Variants in DOCK3 observed in about 807,000 individuals in gnomAD.
The protein encoded by DOCK3 is dedicator of cytokinesis 3.
In DOCK3, 60 loss-of-function variants were observed where a neutral mutation model predicts 265.6. That is an observed-to-expected ratio of 0.23 (90% CI 0.18 to 0.28). The LOEUF (loss-of-function observed/expected upper bound fraction) is 0.28. Ranked by LOEUF, DOCK3 falls within the 10% of genes least tolerant of loss-of-function variation. DOCK3 has a pLI of 1.00. For synonymous variants in DOCK3, 881 were observed against 938.0 expected, an observed-to-expected ratio of 0.94 and a Z score of 1.11; for missense variants, 1,981 against 2,594.3, an observed-to-expected ratio of 0.76 and a Z score of 5.14.
chr3:50,860,649 G>GT (rs755306048), intron 3 of DOCK3, among the ~76,000 whole-genome samples: 6 of 152,142 alleles, frequency 3.9e-5, no homozygotes, highest in Non-Finnish European at 8.8e-5. Flanking sequence ...TGTGCTTGGG[G>GT]TCCTGTTCAG....
At chr3:51,017,439 G>A (rs1356518566) in intron 5 of DOCK3, among the ~76,000 whole-genome samples, 1 of 151,490 alleles carries the variant, frequency 6.6e-6, no homozygotes, top group African/African-American at 2.4e-5. Context: ...AGTTCTTTAA[G>A]ATGTATCATT....
chr3:51,095,610 T>C lies in DOCK3; in HGVS notation c.746+5226T>C, dbSNP rs556132015. Reference sequence around the variant, plus strand: ...TTGTCTAGTGCAAAATGCAGCCCTTTTAACATTTACATTTGATCTTTATCT... The same window carrying C: ...TTGTCTAGTGCAAAATGCAGCCCTTCTAACATTTACATTTGATCTTTATCT... On this transcript the variant is annotated intron_variant, in intron 9 of 52. Transcript: ENST00000266037. Among the ~76,000 whole-genome samples, 159 of 152,190 alleles carry C rather than the reference T, an allele frequency of 1.0e-3. 1 individual carries two copies. Among genetic ancestry groups the C allele is most frequent in the African/African-American group, 3.7e-3 (152 of 41,522 alleles).
At chr3:51,215,990 A>G (rs2089763430) in intron 14 of DOCK3, among the ~76,000 whole-genome samples, 1 of 152,168 alleles carries the variant, frequency 6.6e-6, no homozygotes, top group Non-Finnish European at 1.5e-5. Flanking sequence ...TGAAAAAAAA[A>G]AAAAGTTACC....
intron 1 of DOCK3, among the ~76,000 whole-genome samples, chr3:50,738,097 G>C (rs1196656900): frequency 6.6e-6 from 1 of 152,194 alleles, no homozygotes; most frequent in Non-Finnish European, 1.5e-5. Flanking sequence ...GCCATCTGGT[G>C]GGTTCTGCAG....
At chr3:50,984,289 C>A (rs1384840371) in intron 5 of DOCK3, among the ~76,000 whole-genome samples, 3 of 152,180 alleles carry the variant, frequency 2.0e-5, no homozygotes, top group East Asian at 1.9e-4. Context: ...CATTTGAGTT[C>A]TTTCTCATTT....
chr3:51,170,631 G>T (rs1159209025), intron 12 of DOCK3, among the ~76,000 whole-genome samples: 1 of 151,782 alleles, frequency 6.6e-6, no homozygotes, highest in African/African-American at 2.4e-5. Context: ...TTCTCTCTTT[G>T]TGTTCTTGGT....
rs190525650 is a variant in DOCK3 at position 51,333,905 on chromosome 3, A to G, written c.3611+652A>G. 1.9e-4 allele frequency among the ~76,000 whole-genome samples: 29 copies of G among 151,970 alleles called. No homozygotes were observed. In the South Asian group the frequency reaches 5.0e-3, roughly 26 times the overall value. On this transcript the variant is annotated intron_variant, in intron 35 of 52. Transcript: ENST00000266037. ...GCTTTGTCACCCAGACTGGAGGGCAATCATGGCTCACTGCAGCCTCGAAGT... is the reference window on the plus strand; with the variant it reads ...GCTTTGTCACCCAGACTGGAGGGCAGTCATGGCTCACTGCAGCCTCGAAGT...
At position 51,044,161 on chromosome 3, in the gene DOCK3, A is replaced by C. The variant is rs573907073; in HGVS notation, c.316-20287A>C. On this transcript the variant is annotated intron_variant, in intron 5 of 52. Coordinates refer to ENST00000266037, the MANE Select transcript of DOCK3 (RefSeq NM_004947.5). ...ATTGTAGCACTATTCACAATAGCAA[A>C]GACATGGGATCAACCTAAATGTCCA... 3.3e-5 allele frequency among the ~76,000 whole-genome samples: 5 copies of C among 152,340 alleles called. No individual in the cohort carries two copies. The East Asian group carries it at 9.6e-4, about 29-fold the overall frequency.
intron 1 of DOCK3, among the ~76,000 whole-genome samples, chr3:50,777,233 T>C (rs1341010838): frequency 6.6e-6 from 1 of 152,184 alleles, no homozygotes; most frequent in Non-Finnish European, 1.5e-5. Flanking sequence ...TTTTGTATGC[T>C]TTGTTGAATA....
At chr3:51,100,744 G>A (rs1016153977) in intron 9 of DOCK3, among the ~76,000 whole-genome samples, 2 of 151,730 alleles carry the variant, frequency 1.3e-5, no homozygotes, top group African/African-American at 2.4e-5. Context: ...CAAAGTTATG[G>A]GATAACCAGA....
At chr3:51,202,964 A>G (rs1438143360) in intron 12 of DOCK3, among the ~76,000 whole-genome samples, 1 of 152,236 alleles carries the variant, frequency 6.6e-6, no homozygotes, top group Non-Finnish European at 1.5e-5. Context: ...ACAAAATTCA[A>G]CAGCCCTTCA....
intron 21 of DOCK3, among the ~76,000 whole-genome samples, chr3:51,245,523 C>T (rs1453596552): frequency 2.6e-5 from 4 of 151,358 alleles, no homozygotes; most frequent in Admixed American, 2.0e-4. Flanking sequence ...CCCAAGTAGC[C>T]GGGATTATAG....
At chr3:50,889,066 G>GGGGTGTGTGTGTGTGTGT (rs869046567) in intron 3 of DOCK3, among the ~76,000 whole-genome samples, 9 of 134,192 alleles carry the variant, frequency 6.7e-5, no homozygotes, top group African/African-American at 2.5e-4. Context: ...TTAAGCCATG[G>GGGGTGTGTGTGTGTGTGT]GTGTGTGTGT....
intron 5 of DOCK3, among the ~76,000 whole-genome samples, chr3:51,009,362 A>C (rs913152259): frequency 2.0e-5 from 3 of 152,204 alleles, no homozygotes; most frequent in Non-Finnish European, 4.4e-5. Flanking sequence ...GTATGTGTCC[A>C]GGAATTTATC....
intron 5 of DOCK3, among the ~76,000 whole-genome samples, chr3:51,031,425 C>T (rs995087513): frequency 6.6e-6 from 1 of 152,136 alleles, no homozygotes; most frequent in Admixed American, 6.5e-5. Flanking sequence ...ATCCACCAGC[C>T]TTAAAGTCTC....
rs2077416782 is a variant in DOCK3 at position 50,975,616 on chromosome 3, G to A, written c.315+41539G>A. Among the ~76,000 whole-genome samples, 4 of 152,238 alleles carry A rather than the reference G, an allele frequency of 2.6e-5. No individual in the cohort carries two copies. In the South Asian group the frequency reaches 8.3e-4, roughly 32 times the overall value. ...CCTAAAATTCTCTTTTTTTGGTTGTGTCTCTGCCAGGCTTTAGTATCAGAA... is the reference window on the plus strand; with the variant it reads ...CCTAAAATTCTCTTTTTTTGGTTGTATCTCTGCCAGGCTTTAGTATCAGAA... On this transcript the variant is annotated intron_variant, in intron 5 of 52. Transcript: ENST00000266037.
chr3:50,892,371 A>G (rs1490493236), intron 4 of DOCK3, among the ~76,000 whole-genome samples: 2 of 152,126 alleles, frequency 1.3e-5, no homozygotes, highest in African/African-American at 2.4e-5. Context: ...CAAGAAAAAT[A>G]CCTTTATAAG....
chr3:50,967,910 G>C (rs2077080183), intron 5 of DOCK3, among the ~76,000 whole-genome samples: 1 of 152,156 alleles, frequency 6.6e-6, no homozygotes. Context: ...TAGTGTGATT[G>C]CTGGGCCATA....
intron 9 of DOCK3, among the ~76,000 whole-genome samples, chr3:51,111,594 A>C (rs1205861766): frequency 6.6e-6 from 1 of 152,226 alleles, no homozygotes; most frequent in East Asian, 1.9e-4. Flanking sequence ...GATGGATTAA[A>C]GACTTAAATA....
Sources: allele counts gnomAD v4.1 joint callset (sites outside exome capture counted in the v4.1 genomes callset), GRCh38; gene constraint gnomAD v4.1.1; transcripts MANE v1.5; gene names NCBI Gene and HGNC (gene_info 2026-07-23, HGNC 2026-07-21).